The following ZSCAN25 variants were observed in gnomAD, a reference collection of about 807,000 sequenced individuals.
ZSCAN25 encodes zinc finger and SCAN domain containing 25.
Under a neutral mutation model 38.7 loss-of-function variants are expected in ZSCAN25, and 27 were observed. That is an observed-to-expected ratio of 0.70 (90% CI 0.51 to 0.96). The LOEUF (loss-of-function observed/expected upper bound fraction) is 0.96, where lower values mean the gene tolerates loss of function less well. Among genes scored for constraint, ZSCAN25 ranks in the 40% least tolerant of loss-of-function variants. The pLI, the probability that ZSCAN25 is intolerant of heterozygous loss-of-function variation, is 0.00. For missense variants in ZSCAN25, 637 were observed against 705.9 expected, an observed-to-expected ratio of 0.90 and a Z score of 1.11; for synonymous variants, 273 against 277.7, an observed-to-expected ratio of 0.98 and a Z score of 0.17.
chr7:99,664,065 T>C, the ZSCAN25 span: 1 of 1,594,378 alleles, frequency 6.3e-7, no homozygotes, highest in South Asian at 1.2e-5. Context: ...ATTTAATGCT[T>C]CAAAAACTGG....
chr7:99,709,480 G>A, the ZSCAN25 span, among the ~76,000 whole-genome samples: 1 of 152,094 alleles, frequency 6.6e-6, no homozygotes, highest in African/African-American at 2.4e-5. Flanking sequence ...GAGACATTCG[G>A]GAAGGCTCTA....
At chr7:99,647,776 T>C in the ZSCAN25 span, 30 of 985,316 alleles carry the variant, frequency 3.0e-5, no homozygotes, top group Non-Finnish European at 2.9e-5. Context: ...TGATAAAAAA[T>C]GTTTATTTGC....
At chr7:99,647,723 A>G in the ZSCAN25 span, 2 of 985,438 alleles carry the variant, frequency 2.0e-6, no homozygotes, top group Non-Finnish European at 2.4e-6. Flanking sequence ...TTAATAATCA[A>G]ATTGGAATTC....
Position 99,632,229 on chromosome 7 carries a change from T to A in ZSCAN25, c.*2209T>A. On this transcript the variant is annotated 3_prime_UTR_variant, in exon 8 of 8. Transcript: ENST00000394152. Reference sequence around the variant, plus strand: ...TCAGAAAAGCCTCTAAGTAGGGGGTTTTTCCCATGGGATTGTGGTAGTCTG... The same window carrying A: ...TCAGAAAAGCCTCTAAGTAGGGGGTATTTCCCATGGGATTGTGGTAGTCTG... 1 of 985,352 alleles carries A rather than the reference T, an allele frequency of 1.0e-6. No individual in the cohort carries two copies. The highest frequency in any genetic ancestry group is 1.2e-6 in the Non-Finnish European group (1 of 829,880). 61.0% of individuals were successfully genotyped at this position (985,352 alleles called of 1,614,324 possible). A position where few individuals can be genotyped will look rare whatever the true frequency, so the allele number is the denominator to read the frequency against.
the ZSCAN25 span, among the ~76,000 whole-genome samples, chr7:99,655,917 G>T: frequency 6.6e-6 from 1 of 152,242 alleles, no homozygotes; most frequent in Admixed American, 6.5e-5. Context: ...TGTGATTTTT[G>T]CACATTGATT....
the ZSCAN25 span, among the ~76,000 whole-genome samples, chr7:99,723,287 G>T: frequency 6.6e-6 from 1 of 152,106 alleles, no homozygotes; most frequent in East Asian, 1.9e-4. Flanking sequence ...ACTTGTTACT[G>T]CCCTGCCCCA....
chr7:99,620,047 A>T, intron 4 of ZSCAN25, 54 bp downstream of exon 4: 1 of 1,513,718 alleles, frequency 6.6e-7, no homozygotes, highest in Non-Finnish European at 8.8e-7. Flanking sequence ...AGGGAATGTT[A>T]AAGAATCCAA....
chr7:99,731,958 C>T, the ZSCAN25 span, among the ~76,000 whole-genome samples: 3 of 152,186 alleles, frequency 2.0e-5, no homozygotes, highest in Non-Finnish European at 4.4e-5. Flanking sequence ...CATTCCTCCT[C>T]TTGTGGAATC....
chr7:99,629,373 G>A lies in ZSCAN25; in HGVS notation c.988G>A (p.Gly330Ser), dbSNP rs149940415. Residue 330 changes from glycine (G) to serine (S), a missense_variant, in exon 8 of 8, where the codon GGT (glycine) becomes AGT (serine). Gly to Ser is a moderately conservative substitution (Grantham distance 56). Coordinates refer to ENST00000394152, the MANE Select transcript of ZSCAN25 (RefSeq NM_145115.3). This position sits in a 1 kb window ranked among gnomAD's most constrained non-coding sequence, Gnocchi z 5.6. ...SAPGLPPPQH[G>S]AIPLPDEVKT... Reference sequence around the variant, plus strand: ...GCCTGGGCTTCCTCCTCCCCAGCACGGTGCCATCCCCCTGCCTGACGAAGT... The same window carrying A: ...GCCTGGGCTTCCTCCTCCCCAGCACAGTGCCATCCCCCTGCCTGACGAAGT... 44 of 1,614,124 alleles carry A rather than the reference G, an allele frequency of 2.7e-5. No homozygotes were observed. In the African/African-American group the frequency reaches 2.8e-4, roughly 10 times the overall value.
rs921782811 is a variant in ZSCAN25, at chr7:99,630,977, G to A, written c.*957G>A. 1 of 944,894 alleles carries A rather than the reference G, an allele frequency of 1.1e-6. No homozygotes were observed. Among genetic ancestry groups the A allele is most frequent in the Non-Finnish European group, 1.3e-6 (1 of 793,218 alleles). 58.5% of individuals were successfully genotyped at this position (944,894 alleles called of 1,614,324 possible). On this transcript the variant is annotated 3_prime_UTR_variant, in exon 8 of 8. Transcript: ENST00000394152. ...AAATTAATTTCACCCCATTCTCATT[G>A]GACCCATTTCCCAAGTATTTATTGA... is the stretch of plus-strand genomic sequence containing the variant.
At chr7:99,670,106 C>T in the ZSCAN25 span, among the ~76,000 whole-genome samples, 1 of 152,156 alleles carries the variant, frequency 6.6e-6, no homozygotes, top group East Asian at 1.9e-4. Flanking sequence ...GCAAGTCATT[C>T]ACTTTTTAGA....
At chr7:99,626,123 T>C (rs1218388643) in intron 7 of ZSCAN25, among the ~76,000 whole-genome samples, 1 of 152,218 alleles carries the variant, frequency 6.6e-6, no homozygotes, top group Non-Finnish European at 1.5e-5. Context: ...TGGGTTGTAA[T>C]TGCAGTAATG....
the ZSCAN25 span, among the ~76,000 whole-genome samples, chr7:99,658,031 A>G: frequency 1.4e-4 from 21 of 151,922 alleles, no homozygotes; most frequent in Admixed American, 1.4e-3. Context: ...TCTTGACTCT[A>G]TCCAGTTTGC....
At chr7:99,633,079 G>A (rs972701564), downstream of ZSCAN25, among the ~76,000 whole-genome samples, 10 of 150,412 alleles carry the variant, frequency 6.6e-5, no homozygotes, top group South Asian at 2.1e-4. Flanking sequence ...TCCCTGTCCC[G>A]GGTTCAAGCG....
At chr7:99,626,215 A>C (rs1339441322) in intron 7 of ZSCAN25, among the ~76,000 whole-genome samples, 1 of 152,262 alleles carries the variant, frequency 6.6e-6, no homozygotes. Context: ...ACCTGAATGC[A>C]GGACTCTGCA....
the ZSCAN25 span, among the ~76,000 whole-genome samples, chr7:99,645,748 T>G: frequency 1.3e-5 from 2 of 152,212 alleles, no homozygotes; most frequent in East Asian, 1.9e-4. Context: ...TCCACATGTA[T>G]GTCTTCTTTT....
chr7:99,675,918 A>G, the ZSCAN25 span, among the ~76,000 whole-genome samples: 1 of 150,738 alleles, frequency 6.6e-6, no homozygotes, highest in East Asian at 2.0e-4. Context: ...CTGTTCTCAA[A>G]CTCCTGGGCT....
chr7:99,720,088 C>G, the ZSCAN25 span, among the ~76,000 whole-genome samples: 1 of 152,132 alleles, frequency 6.6e-6, no homozygotes, highest in Non-Finnish European at 1.5e-5. Flanking sequence ...TGAATAAACT[C>G]TGTGAACTGT....
the ZSCAN25 span, chr7:99,663,133 C>T: frequency 3.3e-6 from 4 of 1,215,846 alleles, no homozygotes; most frequent in Admixed American, 3.6e-5. Context: ...CCCTGTTTCT[C>T]ATCTTCTCTG....
Sources: allele counts gnomAD v4.1 joint callset (sites outside exome capture counted in the v4.1 genomes callset), GRCh38; gene constraint gnomAD v4.1.1; non-coding constraint Gnocchi (gnomAD v3.1); transcripts MANE v1.5; gene names NCBI Gene and HGNC (gene_info 2026-07-23, HGNC 2026-07-21).